The following IFFO1 variants were observed in gnomAD, a reference collection of about 807,000 sequenced individuals.
IFFO1 encodes the protein intermediate filament family orphan 1.
A neutral mutation model predicts 59.6 loss-of-function variants in IFFO1; 42 were observed. The ratio of observed to expected loss-of-function variants is 0.70; its 90% CI spans 0.55 to 0.91. IFFO1 has a LOEUF of 0.91. Among genes scored for constraint, IFFO1 ranks in the 40% least tolerant of loss-of-function variants. The pLI, the probability that IFFO1 is intolerant of heterozygous loss-of-function variation, is 0.00. For missense variants in IFFO1, 711 were observed against 793.2 expected, an observed-to-expected ratio of 0.90 and a Z score of 1.24; for synonymous variants, 336 against 342.8, an observed-to-expected ratio of 0.98 and a Z score of 0.22.
chr12:6,551,436 C>T, intron 1 of IFFO1: 2 of 1,297,642 alleles, frequency 1.5e-6, no homozygotes, highest in Non-Finnish European at 2.0e-6. Context: ...CTCCTGCCCG[C>T]ACCAGAACAG....
At chr12:6,546,415 C>T (rs549529601) in intron 8 of IFFO1, among the ~76,000 whole-genome samples, 1 of 152,364 alleles carries the variant, frequency 6.6e-6, no homozygotes, top group African/African-American at 2.4e-5. Context: ...GGAGAGCTCA[C>T]GGGGGTCCCG....
At position 6,549,708 on chromosome 12, in the gene IFFO1, C is replaced by T. The variant is rs367870791; in HGVS notation, c.1071+48G>A. On this transcript the variant is annotated intron_variant, in intron 4 of 9. Coordinates refer to ENST00000619571, the MANE Select transcript of IFFO1 (RefSeq NM_001193457.2). This position sits in a 1 kb window ranked among gnomAD's most constrained non-coding sequence, Gnocchi z 5.0. The stretch of plus-strand genomic sequence containing the variant: ...TCCAGGCCAGCCGCCACGGAAGCAT[C>T]CACCTGCCCCACCCACCCCTGAGAG... 2.1e-5 allele frequency: 34 copies of T among 1,583,390 alleles called. No individual in the cohort carries two copies. The African/African-American group carries it at 3.9e-4, about 18-fold the overall frequency.
chr12:6,553,886 G>C (rs1405500350), intron 1 of IFFO1, among the ~76,000 whole-genome samples: 1 of 152,156 alleles, frequency 6.6e-6, no homozygotes, highest in Non-Finnish European at 1.5e-5. Flanking sequence ...GCTTTCACGG[G>C]AGACAGAGCC....
intron 8 of IFFO1, among the ~76,000 whole-genome samples, chr12:6,544,395 C>T (rs1416758296): frequency 6.6e-6 from 1 of 152,188 alleles, no homozygotes; most frequent in African/African-American, 2.4e-5. Context: ...TCTCACACTC[C>T]TGACCTCAAG....
chr12:6,551,052 G>A (rs1366588955), intron 1 of IFFO1, 51 bp from the exon 2 acceptor site: 3 of 1,567,684 alleles, frequency 1.9e-6, no homozygotes, highest in Non-Finnish European at 2.6e-6. Flanking sequence ...GTCCTTCCCT[G>A]CCCCCATGGC....
In IFFO1 at chr12:6,541,753, A is replaced by G; in HGVS notation, c.1480-111T>C. 1 of 1,360,032 alleles carries G rather than the reference A, an allele frequency of 7.4e-7. No individual in the cohort carries two copies. The allele number at this position is 1,360,032 out of a possible 1,614,324, so 84.2% of individuals were successfully genotyped here. Reference sequence around the variant, plus strand: ...AGAGCAGTGGCTGGGCCGGGGGCCCAGGCAGCCATTACTGAAGGCTCAGAT... The same window carrying G: ...AGAGCAGTGGCTGGGCCGGGGGCCCGGGCAGCCATTACTGAAGGCTCAGAT... On this transcript the variant is annotated intron_variant, in intron 8 of 9. Transcript: ENST00000619571. This position sits in a 1 kb window ranked among gnomAD's most constrained non-coding sequence, Gnocchi z 4.8.
intron 8 of IFFO1, among the ~76,000 whole-genome samples, chr12:6,546,358 C>T (rs745417454): frequency 3.9e-5 from 6 of 152,236 alleles, no homozygotes; most frequent in Non-Finnish European, 8.8e-5. Flanking sequence ...AGGCTCCATG[C>T]CTCTCCCAAA....
In IFFO1 at chr12:6,540,336, G is replaced by A; in HGVS notation, c.*147C>T. The A allele has an allele frequency of 1.4e-6, 1 of 696,936 alleles. No homozygotes were observed. Among genetic ancestry groups the A allele is most frequent in the South Asian group, 1.6e-5 (1 of 62,700 alleles). 43.2% of individuals were successfully genotyped at this position (696,936 alleles called of 1,614,324 possible). On this transcript the variant is annotated 3_prime_UTR_variant, in exon 10 of 10. Coordinates refer to ENST00000619571, the MANE Select transcript of IFFO1 (RefSeq NM_001193457.2). ...GAGCCCTGGAGAAGCCAAGACTGAG[G>A]GAGAAAGCCTGAGGGAGGAGCGCCC...
rs1443978903 is a variant in IFFO1, at chr12:6,549,908, G to C, written c.931-12C>G. The C allele has an allele frequency of 3.1e-6, 5 of 1,611,106 alleles. No individual in the cohort carries two copies. The highest frequency in any genetic ancestry group is 4.2e-6 in the Non-Finnish European group (5 of 1,177,844). On this transcript the variant is annotated splice_polypyrimidine_tract_variant and intron_variant, in intron 3 of 9. Coordinates refer to ENST00000619571, the MANE Select transcript of IFFO1 (RefSeq NM_001193457.2). The surrounding 1 kb of genome is among the most constrained non-coding windows in gnomAD (Gnocchi z 5.0). ...AGCTCCGACAGGTTCTGTCCAGGGAGCCCAGGGAACAGTGAGGAGGCGCCC... is the reference window on the plus strand; with the variant it reads ...AGCTCCGACAGGTTCTGTCCAGGGACCCCAGGGAACAGTGAGGAGGCGCCC...
intron 1 of IFFO1, among the ~76,000 whole-genome samples, chr12:6,554,798 G>C (rs7298463): frequency 0.3 from 45,020 of 152,106 alleles, 9,432 homozygotes; most frequent in African/African-American, 0.6. Flanking sequence ...AAACCTTGGG[G>C]TGTGAAAGAA....
At chr12:6,554,974 C>T (rs758339520) in intron 1 of IFFO1, among the ~76,000 whole-genome samples, 1 of 152,214 alleles carries the variant, frequency 6.6e-6, no homozygotes, top group Non-Finnish European at 1.5e-5. Flanking sequence ...CCTTTCACAC[C>T]GCACAAAACC....
rs760231409 is a variant in IFFO1, at chr12:6,540,183, C to T, written c.*300G>A. Reference sequence around the variant, plus strand: ...CTGATACGTGGACAAGGTGAGGGGCCGCAATCGCTCTGGCAGCATTTTAAA... The same window carrying T: ...CTGATACGTGGACAAGGTGAGGGGCTGCAATCGCTCTGGCAGCATTTTAAA... On this transcript the variant is annotated 3_prime_UTR_variant, in exon 10 of 10. Coordinates refer to ENST00000619571, the MANE Select transcript of IFFO1 (RefSeq NM_001193457.2). 6 of 492,386 alleles carry T rather than the reference C, an allele frequency of 1.2e-5. No homozygotes were observed. Among genetic ancestry groups the T allele is most frequent in the South Asian group, 6.8e-5 (3 of 44,010 alleles). The allele number at this position is 492,386 out of a possible 1,614,324, so 30.5% of individuals were successfully genotyped here. A position where few individuals can be genotyped will look rare whatever the true frequency, so the allele number is the denominator to read the frequency against.
intron 9 of IFFO1, among the ~76,000 whole-genome samples, 165 bp from the exon 10 acceptor site, chr12:6,540,753 A>C (rs1565561217): frequency 6.6e-6 from 1 of 152,140 alleles, no homozygotes; most frequent in East Asian, 1.9e-4. Flanking sequence ...ACTCTCTCCA[A>C]ACCCACCCTG....
In IFFO1 at chr12:6,548,436, C is replaced by T. The variant is rs1947070255; in HGVS notation, c.1372G>A (p.Ala458Thr). Reference protein sequence around the residue: ...FSGYAMAAAEAQGEQQEDSLE... With the variant: ...FSGYAMAAAETQGEQQEDSLE... ...GGAGCAGAGGTTACCTCTCCCTGGG[C>T]CTCTGCAGCTGCCATGGCATAGCCT... Residue 458 changes from alanine (A) to threonine (T), a missense_variant, in exon 7 of 10, where the codon GCC becomes ACC. This residue lies in a region of IFFO1 where 579 missense variants were observed against 650.3 expected (regional missense o/e 0.89). Coordinates refer to ENST00000619571, the MANE Select transcript of IFFO1 (RefSeq NM_001193457.2). This position sits in a 1 kb window ranked among gnomAD's most constrained non-coding sequence, Gnocchi z 6.1. 1 of 1,611,990 alleles carries T rather than the reference C, an allele frequency of 6.2e-7. No individual in the cohort carries two copies. Among genetic ancestry groups the T allele is most frequent in the Non-Finnish European group, 8.5e-7 (1 of 1,178,834 alleles).
intron 8 of IFFO1, among the ~76,000 whole-genome samples, chr12:6,542,622 C>CAGGA (rs895341139): frequency 6.6e-6 from 1 of 152,202 alleles, no homozygotes; most frequent in African/African-American, 2.4e-5. Context: ...CAGAGATGGT[C>CAGGA]AGGACAGTGA....
intron 8 of IFFO1, among the ~76,000 whole-genome samples, chr12:6,545,512 G>A (rs1258300160): frequency 6.6e-6 from 1 of 152,016 alleles, no homozygotes; most frequent in African/African-American, 2.4e-5. Flanking sequence ...TGGCTAACAC[G>A]GTGAAACCCC....
chr12:6,549,624 G>T lies in IFFO1; in HGVS notation c.1071+132C>A. On this transcript the variant is annotated intron_variant, in intron 4 of 9. Coordinates refer to ENST00000619571, the MANE Select transcript of IFFO1 (RefSeq NM_001193457.2). The surrounding 1 kb of genome is among the most constrained non-coding windows in gnomAD (Gnocchi z 5.0). ...ATGCTGCTCCTTACCCCCCAGTCTA[G>T]CCCCGTGAGGGCCCCAGTTGCCAGG... 7.2e-7 allele frequency: 1 copy of T among 1,385,204 alleles called. No individual in the cohort carries two copies. The highest frequency in any genetic ancestry group is 1.0e-6 in the Non-Finnish European group (1 of 992,498). The allele number at this position is 1,385,204 out of a possible 1,614,324, so 85.8% of individuals were successfully genotyped here.
chr12:6,539,026 A>C (rs1592191945), downstream of IFFO1: 1 of 152,212 alleles, frequency 6.6e-6, no homozygotes, highest in East Asian at 1.9e-4. Flanking sequence ...CATCGTCCTT[A>C]GGGGAACTTG....
chr12:6,539,202 A>C (rs1233131017), downstream of IFFO1: 1 of 152,254 alleles, frequency 6.6e-6, no homozygotes, highest in Non-Finnish European at 1.5e-5. Flanking sequence ...CTGTAACCCC[A>C]GCACTTTGGG....
Sources: allele counts gnomAD v4.1 joint callset (sites outside exome capture counted in the v4.1 genomes callset), GRCh38; gene constraint gnomAD v4.1.1; regional missense constraint gnomAD v4.1.1; non-coding constraint Gnocchi (gnomAD v3.1); transcripts MANE v1.5; gene names NCBI Gene and HGNC (gene_info 2026-07-23, HGNC 2026-07-21).